Variants in AMZ1 observed in about 807,000 individuals in gnomAD.
AMZ1 encodes archaelysin family metallopeptidase 1.
In AMZ1, 39 loss-of-function variants were observed where a neutral mutation model predicts 29.9. The observed-to-expected ratio is 1.30, with a 90% CI of 1.01 to 1.70. The LOEUF is 1.70. Ranked by LOEUF, AMZ1 falls within the 40% of genes most tolerant of loss-of-function variation. AMZ1 has a pLI of 0.00. For missense variants in AMZ1, 1,041 were observed against 680.6 expected, an observed-to-expected ratio of 1.53 and a Z score of -5.89; for synonymous variants, 458 against 304.0, an observed-to-expected ratio of 1.51 and a Z score of -5.27.
chr7:2,744,777 A>T (rs934504882), intron 4 of AMZ1, among the ~76,000 whole-genome samples: 118 of 152,310 alleles, frequency 7.7e-4, no homozygotes, highest in Non-Finnish European at 1.5e-3. Context: ...TTGAAAAAAA[A>T]TTAGACAAAT....
upstream of AMZ1, among the ~76,000 whole-genome samples, chr7:2,760,604 G>A (rs1360941776): frequency 6.6e-6 from 1 of 152,170 alleles, no homozygotes; most frequent in Non-Finnish European, 1.5e-5. Flanking sequence ...ACCAGAGCCT[G>A]TGAAGACTTT....
At chr7:2,685,104 C>T (rs1295917212), upstream of AMZ1, among the ~76,000 whole-genome samples, 5 of 151,550 alleles carry the variant, frequency 3.3e-5, no homozygotes, top group East Asian at 2.0e-4. Context: ...CTTCTGACCT[C>T]GTGATCCGCC....
intron 4 of AMZ1, among the ~76,000 whole-genome samples, chr7:2,744,669 C>T (rs750496876): frequency 2.6e-5 from 4 of 152,136 alleles, no homozygotes; most frequent in Non-Finnish European, 5.9e-5. Flanking sequence ...GCTGGATGGA[C>T]AATGACTTTG....
At chr7:2,763,011 C>CCCG, upstream of AMZ1, 17 of 1,277,758 alleles carry the variant, frequency 1.3e-5, no homozygotes, top group Non-Finnish European at 1.7e-5. Flanking sequence ...CGCCAACAGC[C>CCCG]CCGCCGGCCA....
Position 2,709,069 on chromosome 7 carries a change from C to G in AMZ1, c.602-6C>G. On this transcript the variant is annotated splice_polypyrimidine_tract_variant and splice_region_variant and intron_variant, in intron 4 of 6. Transcript: ENST00000683327. Reference sequence around the variant, plus strand: ...TGAGAGTGCCCTTCTCTCCATCTCTCTCCAGAAGTGGGCGTCTGCAGCTTC... The same window carrying G: ...TGAGAGTGCCCTTCTCTCCATCTCTGTCCAGAAGTGGGCGTCTGCAGCTTC... 1.3e-6 allele frequency: 2 copies of G among 1,579,520 alleles called. No homozygotes were observed. Among genetic ancestry groups the G allele is most frequent in the Non-Finnish European group, 1.7e-6 (2 of 1,163,982 alleles).
upstream of AMZ1, among the ~76,000 whole-genome samples, chr7:2,764,244 C>CTTTT (rs35992308): frequency 3.6e-5 from 5 of 139,296 alleles, no homozygotes; most frequent in African/African-American, 1.1e-4. Flanking sequence ...CAGCTAATTT[C>CTTTT]TTTTTTTTTT....
At chr7:2,749,362 G>A (rs1790914500) in intron 4 of AMZ1, among the ~76,000 whole-genome samples, 1 of 152,076 alleles carries the variant, frequency 6.6e-6, no homozygotes, top group Non-Finnish European at 1.5e-5. Context: ...TCCTTTGTAG[G>A]GACATGGATG....
At chr7:2,692,184 C>T (rs1055844712) in intron 1 of AMZ1, among the ~76,000 whole-genome samples, 21 of 152,200 alleles carry the variant, frequency 1.4e-4, no homozygotes, top group Non-Finnish European at 2.8e-4. Flanking sequence ...GCCAGCCAGG[C>T]TCCTGGAGGA....
At position 2,736,358 on chromosome 7, in the gene AMZ1, C is replaced by T. The variant is rs1316796156; in HGVS notation, n.550+26542C>T. 4.6e-5 allele frequency among the ~76,000 whole-genome samples: 7 copies of T among 152,170 alleles called. No homozygotes were observed. In the South Asian group the frequency reaches 1.2e-3, roughly 27 times the overall value. On this transcript the variant is annotated intron_variant and non_coding_transcript_variant, in intron 4 of 4. Transcript: ENST00000489665. ...AAACCTACACCACTCAAGATTAACA[C>T]AAACTTGGACTTGCGGATTAAATGA...
In AMZ1 at chr7:2,735,736, G is replaced by A. The variant is rs892624642; in HGVS notation, n.550+25920G>A. 2.6e-5 allele frequency among the ~76,000 whole-genome samples: 4 copies of A among 152,118 alleles called. 1 individual carries two copies. Among genetic ancestry groups the A allele is most frequent in the South Asian group, 4.2e-4 (2 of 4,814 alleles). On this transcript the variant is annotated intron_variant and non_coding_transcript_variant, in intron 4 of 4. Coordinates refer to the AMZ1 transcript ENST00000489665. Reference sequence around the variant, plus strand: ...GCAGGAAAACTTATCTGTGACTCTCGGTCATCTTGCATGAGTGGCGGAGGA... The same window carrying A: ...GCAGGAAAACTTATCTGTGACTCTCAGTCATCTTGCATGAGTGGCGGAGGA...
chr7:2,736,723 C>T (rs894103426), intron 4 of AMZ1, among the ~76,000 whole-genome samples: 2 of 152,236 alleles, frequency 1.3e-5, no homozygotes, highest in Non-Finnish European at 2.9e-5. Flanking sequence ...CCCACACCTC[C>T]GGTGGGAGAA....
At chr7:2,689,346 T>C (rs757603407) in intron 1 of AMZ1, among the ~76,000 whole-genome samples, 90 of 151,668 alleles carry the variant, frequency 5.9e-4, no homozygotes, top group Non-Finnish European at 9.9e-4. Context: ...GCGGCCCTTG[T>C]TGCTTAGAGC....
intron 1 of AMZ1, among the ~76,000 whole-genome samples, chr7:2,691,663 G>C (rs547851622): frequency 1.9e-4 from 28 of 143,826 alleles, no homozygotes; most frequent in Non-Finnish European, 4.1e-4. Context: ...CCCAGGAGGC[G>C]GAGGTTGCAG....
chr7:2,722,213 C>A (rs539095525), downstream of AMZ1, among the ~76,000 whole-genome samples: 1 of 151,850 alleles, frequency 6.6e-6, no homozygotes, highest in African/African-American at 2.4e-5. Flanking sequence ...AATTTCCTGG[C>A]GACGCTTGTG....
chr7:2,709,918 T>G, intron 6 of AMZ1, 102 bp downstream of exon 6: 2 of 1,488,694 alleles, frequency 1.3e-6, no homozygotes, highest in South Asian at 2.4e-5. Flanking sequence ...GCACACAGGC[T>G]TTGTCAACTG....
In AMZ1 at chr7:2,700,341, C is replaced by A. The variant is rs1787973614; in HGVS notation, c.-111C>A. 3 of 1,282,552 alleles carry A rather than the reference C, an allele frequency of 2.3e-6. No individual in the cohort carries two copies. Among genetic ancestry groups the A allele is most frequent in the Admixed American group, 2.5e-5 (1 of 40,674 alleles). The allele number at this position is 1,282,552 out of a possible 1,614,324, so 79.4% of individuals were successfully genotyped here. Reference sequence around the variant, plus strand: ...TCTGTCTGCAGGGAGCCCCCGGTAGCCACTCGGATCAGCCCGAGGGAAGAT... The same window carrying A: ...TCTGTCTGCAGGGAGCCCCCGGTAGACACTCGGATCAGCCCGAGGGAAGAT... On this transcript the variant is annotated 5_prime_UTR_variant, in exon 2 of 7. Coordinates refer to ENST00000683327, the MANE Select transcript of AMZ1 (RefSeq NM_001384743.1).
At chr7:2,736,837 C>A (rs1445213750) in intron 4 of AMZ1, among the ~76,000 whole-genome samples, 1 of 152,238 alleles carries the variant, frequency 6.6e-6, no homozygotes, top group East Asian at 1.9e-4. Context: ...CAGCAAGCTG[C>A]CCCTTCACAG....
chr7:2,696,192 T>C (rs1445432237), intron 1 of AMZ1, among the ~76,000 whole-genome samples: 1 of 151,880 alleles, frequency 6.6e-6, no homozygotes, highest in Non-Finnish European at 1.5e-5. Flanking sequence ...TGCACCCACT[T>C]TTCTGAGGGT....
intron 2 of AMZ1, 111 bp downstream of exon 2, chr7:2,700,866 G>C: frequency 1.4e-6 from 2 of 1,396,754 alleles, no homozygotes; most frequent in Non-Finnish European, 1.9e-6. Context: ...GAGGGAAGAG[G>C]GTCCTGGGTG....
Sources: gnomAD v4.1 joint callset for allele counts (sites outside exome capture counted in the v4.1 genomes callset) on GRCh38, gnomAD v4.1.1 for gene constraint, MANE v1.5 for transcripts, NCBI Gene and HGNC (gene_info 2026-07-23, HGNC 2026-07-21) for gene names.